Variants in SFTPC observed in about 807,000 individuals in gnomAD.
SFTPC encodes the protein BRICHOS domain containing 6.
In SFTPC, 12 loss-of-function variants were observed where a neutral mutation model predicts 19.9. That is an observed-to-expected ratio of 0.60 (90% CI 0.39 to 0.98). SFTPC has a LOEUF of 0.98. Among genes scored for constraint, SFTPC ranks in the 50% least tolerant of loss-of-function variants. The probability of loss-of-function intolerance (pLI) is 0.00; values close to 1 mark genes in which losing one functional copy is unlikely to be tolerated. For missense variants in SFTPC, 219 were observed against 252.2 expected (o/e 0.87, Z 0.89); for synonymous variants, 123 against 103.3 (o/e 1.19, Z -1.16).
At chr8:22,159,716 C>T (rs1827637351), upstream of SFTPC, 1 of 1,199,676 alleles carries the variant, frequency 8.3e-7, no homozygotes, top group Admixed American at 2.3e-5. Context: ...TGGCGGCAAA[C>T]CCCACCCACA....
At chr8:22,162,313 G>A (rs1827769840) in intron 1 of SFTPC, among the ~76,000 whole-genome samples, 1 of 152,170 alleles carries the variant, frequency 6.6e-6, no homozygotes, top group Non-Finnish European at 1.5e-5. Context: ...GAAGCAGCAG[G>A]GAGAGACAGG....
upstream of SFTPC, chr8:22,159,613 C>A (rs1349662601): frequency 7.0e-6 from 3 of 429,842 alleles, no homozygotes; most frequent in Non-Finnish European, 1.4e-5. Flanking sequence ...CTTGTGACAG[C>A]TACAGCCTAA....
chr8:22,163,571 T>C (rs763045334), intron 4 of SFTPC, 25 bp downstream of exon 4: 2 of 1,514,706 alleles, frequency 1.3e-6, no homozygotes, highest in Non-Finnish European at 1.8e-6. Flanking sequence ...GTGAAAAGAG[T>C]GGGCTGTCTC....
upstream of SFTPC, among the ~76,000 whole-genome samples, chr8:22,158,408 A>G (rs530347295): frequency 1.3e-5 from 2 of 152,316 alleles, no homozygotes; most frequent in South Asian, 2.1e-4. Flanking sequence ...TCTGCCCAGT[A>G]CACAAAGAGC....
At chr8:22,161,963 T>G in intron 1 of SFTPC, 93 bp downstream of exon 1, 1 of 1,293,574 alleles carries the variant, frequency 7.7e-7, no homozygotes, top group South Asian at 1.2e-5. Context: ...TGTTTCCTTA[T>G]CCAGATCCAT....
Position 22,163,094 on chromosome 8 carries a change from C to T in SFTPC, c.216C>T (p.Ser72=). 1 of 1,614,144 alleles carries T rather than the reference C, an allele frequency of 6.2e-7. No homozygotes were observed. Among genetic ancestry groups the T allele is most frequent in the African/African-American group, 1.3e-5 (1 of 75,036 alleles). Reference sequence around the variant, plus strand: ...CCTTTCCCCAGGTTCTGGAGATGAGCATTGGGGCGCCGGAAGCCCAGCAAC... The same window carrying T: ...CCTTTCCCCAGGTTCTGGAGATGAGTATTGGGGCGCCGGAAGCCCAGCAAC... ...QKHTEMVLEM[S]IGAPEAQQRL... Residue 72 remains serine (S), a synonymous_variant, in exon 3 of 6, where the codon AGC becomes AGT. Transcript: ENST00000679463.
intron 2 of SFTPC, 83 bp from the exon 3 acceptor site, chr8:22,162,997 G>C: frequency 6.3e-7 from 1 of 1,585,168 alleles, no homozygotes; most frequent in Non-Finnish European, 8.6e-7. Context: ...GCGCATTTGA[G>C]TACAGAGGCC....
chr8:22,163,498 G>T lies in SFTPC; in HGVS notation c.387G>T (p.Glu129Asp). 1.2e-6 allele frequency: 2 copies of T among 1,614,078 alleles called. No homozygotes were observed. Among genetic ancestry groups the T allele is most frequent in the Non-Finnish European group, 1.7e-6 (2 of 1,180,016 alleles). Residue 129 changes from glutamate (E) to aspartate (D), a missense_variant, in exon 4 of 6, where the codon GAG becomes GAT. Transcript: ENST00000679463. The stretch of plus-strand genomic sequence containing the variant: ...GCTACATCATGAAGATAGCTCCAGA[G>T]AGCATCCCCAGTCTTGAGGCTCTCA... ...TCCYIMKIAP[E>D]SIPSLEALTR...
chr8:22,163,749 C>A, intron 4 of SFTPC, 152 bp from the exon 5 acceptor site: 1 of 855,738 alleles, frequency 1.2e-6, no homozygotes, highest in Non-Finnish European at 1.9e-6. Flanking sequence ...CCACTCACTA[C>A]CTGGTGGCTT....
chr8:22,159,452 C>G, upstream of SFTPC: 1 of 318,190 alleles, frequency 3.1e-6, no homozygotes, highest in Non-Finnish European at 6.1e-6. Context: ...AGCTAAAGGT[C>G]CTTCTGTGTC....
upstream of SFTPC, chr8:22,161,730 G>C (rs986985258): frequency 5.0e-6 from 8 of 1,611,898 alleles, no homozygotes; most frequent in Middle Eastern, 1.7e-4. Flanking sequence ...CACACAGGGG[G>C]CTTGGTCCTT....
intron 4 of SFTPC, 138 bp downstream of exon 4, chr8:22,163,684 C>A: frequency 1.3e-6 from 1 of 794,018 alleles, no homozygotes. Flanking sequence ...TCCTATTCCC[C>A]TGCACGACTC....
intron 1 of SFTPC, 125 bp downstream of exon 1, chr8:22,161,995 G>A: frequency 9.8e-7 from 1 of 1,023,852 alleles, no homozygotes; most frequent in South Asian, 1.3e-5. Context: ...ACCTAGGACT[G>A]TGATAAGTCA....
rs758154087 is a variant in SFTPC, at chr8:22,162,772, G to A, written c.201+40G>A. On this transcript the variant is annotated intron_variant, in intron 2 of 5. Coordinates refer to ENST00000679463, the MANE Select transcript of SFTPC (RefSeq NM_001317778.2). ...ATGCACAGCAGTGGGCACAGGACAT[G>A]CCAGACAGCGGGGCTAGGTGGGATG... 4 of 1,612,210 alleles carry A rather than the reference G, an allele frequency of 2.5e-6. No individual in the cohort carries two copies. In the East Asian group the frequency reaches 6.7e-5, roughly 27 times the overall value.
chr8:22,162,440 G>A, intron 1 of SFTPC, 134 bp from the exon 2 acceptor site: 1 of 972,124 alleles, frequency 1.0e-6, no homozygotes, highest in Non-Finnish European at 1.6e-6. Context: ...GATCTCCTCA[G>A]CCCTTCCCTG....
At chr8:22,163,299 C>T in intron 3 of SFTPC, 97 bp downstream of exon 3, 5 of 1,571,930 alleles carry the variant, frequency 3.2e-6, no homozygotes, top group Admixed American at 1.7e-5. Context: ...CTCTCCCTCT[C>T]CTCCAGACCT....
upstream of SFTPC, chr8:22,159,374 A>C (rs1827624087): frequency 3.1e-5 from 7 of 226,956 alleles, no homozygotes; most frequent in Non-Finnish European, 5.3e-5. Context: ...AAACGGCTTA[A>C]GTACAGGCCA....
chr8:22,162,620 C>T lies in SFTPC; in HGVS notation c.89C>T (p.Pro30Leu). ...PRGRFGIPCC[P>L]VHLKRLLIVV... ...GGCCGATTTGGCATTCCCTGCTGCC[C>T]AGTGCACCTGAAACGCCTTCTTATC... Residue 30 changes from proline (P) to leucine (L), a missense_variant, in exon 2 of 6, where the codon CCA (proline) becomes CTA (leucine). Physicochemically the swap from Pro to Leu is moderately conservative, Grantham distance 98. Transcript: ENST00000679463. 6.2e-7 allele frequency: 1 copy of T among 1,614,154 alleles called. No homozygotes were observed. Among genetic ancestry groups the T allele is most frequent in the Non-Finnish European group, 8.5e-7 (1 of 1,180,006 alleles).
chr8:22,164,297 G>A lies in SFTPC; in HGVS notation c.*50G>A. 6.5e-7 allele frequency: 1 copy of A among 1,536,186 alleles called. No homozygotes were observed. ...TGGAAGCCCCAACGGGAAAGGAAAC[G>A]CCCCGGGCAAAGGGTCTTTTGCAGC... On this transcript the variant is annotated 3_prime_UTR_variant, in exon 6 of 6. Transcript: ENST00000679463.
Sources: gnomAD v4.1 joint callset for allele counts (sites outside exome capture counted in the v4.1 genomes callset) on GRCh38, gnomAD v4.1.1 for gene constraint, MANE v1.5 for transcripts, NCBI Gene and HGNC (gene_info 2026-07-23, HGNC 2026-07-21) for gene names.